Variants in NALF1 observed in about 807,000 individuals in gnomAD.
The protein encoded by NALF1 is NALCN channel auxiliary factor 1.
NALF1 carries 3 observed loss-of-function variants against 48.4 expected under a neutral mutation model. The observed-to-expected ratio is 0.06, with a 90% CI of 0.03 to 0.16. The LOEUF (loss-of-function observed/expected upper bound fraction) is 0.16. Ranked by LOEUF, NALF1 falls within the 10% of genes least tolerant of loss-of-function variation. The probability of loss-of-function intolerance (pLI) is 1.00; values close to 1 mark genes in which losing one functional copy is unlikely to be tolerated. For missense variants in NALF1, 526 were observed against 571.5 expected (o/e 0.92, Z 0.81); for synonymous variants, 262 against 245.7 (o/e 1.07, Z -0.62).
intron 1 of NALF1, among the ~76,000 whole-genome samples, chr13:107,492,120 G>A (rs191764166): frequency 4.9e-5 from 7 of 142,292 alleles, no homozygotes; most frequent in Non-Finnish European, 9.0e-5. Context: ...GCACAATCTC[G>A]GCTCACTGCA....
At chr13:107,281,257 G>T (rs1449761290) in intron 1 of NALF1, among the ~76,000 whole-genome samples, 2 of 152,186 alleles carry the variant, frequency 1.3e-5, no homozygotes, top group Non-Finnish European at 2.9e-5. Context: ...CTGGTACATG[G>T]TTGACGATGA....
intron 1 of NALF1, among the ~76,000 whole-genome samples, chr13:107,550,345 A>C (rs1260250484): frequency 6.6e-6 from 1 of 152,154 alleles, no homozygotes; most frequent in Non-Finnish European, 1.5e-5. Flanking sequence ...TGTTTCACTC[A>C]TTATGAATTC....
chr13:107,204,739 C>T (rs542086075), intron 2 of NALF1, among the ~76,000 whole-genome samples: 65 of 152,210 alleles, frequency 4.3e-4, no homozygotes, highest in African/African-American at 1.5e-3. Flanking sequence ...TCTGGGCATA[C>T]CATCTCCCTT....
intron 1 of NALF1, among the ~76,000 whole-genome samples, chr13:107,320,201 G>A (rs1203874077): frequency 6.6e-6 from 1 of 151,988 alleles, no homozygotes; most frequent in African/African-American, 2.4e-5. Flanking sequence ...ACATTGACTG[G>A]CAGTAAGAAA....
intron 1 of NALF1, among the ~76,000 whole-genome samples, chr13:107,698,634 T>C (rs921086266): frequency 1.3e-5 from 2 of 152,288 alleles, no homozygotes; most frequent in African/African-American, 4.8e-5. Flanking sequence ...CATTTTTGAA[T>C]ATAAAATATC....
chr13:107,731,434 T>C (rs1436518545), intron 1 of NALF1, among the ~76,000 whole-genome samples: 2 of 152,156 alleles, frequency 1.3e-5, no homozygotes, highest in Non-Finnish European at 2.9e-5. Context: ...GGAGTACATG[T>C]GCAGGTTTGT....
chr13:107,710,779 GTGTATATACACATATA>G (rs1264616034), intron 1 of NALF1, among the ~76,000 whole-genome samples: 1 of 45,442 alleles, frequency 2.2e-5, no homozygotes, highest in Non-Finnish European at 5.4e-5. Context: ...ACACATATGT[GTGTATATACACATATA>G]TGTATATATA....
At chr13:107,865,562 C>A in intron 1 of NALF1, 120 bp downstream of exon 1, 2 of 1,351,630 alleles carry the variant, frequency 1.5e-6, no homozygotes. Flanking sequence ...TTAATAACCG[C>A]AGAAAACACA....
chr13:107,738,595 A>G (rs1314406710), intron 1 of NALF1, among the ~76,000 whole-genome samples: 1 of 152,218 alleles, frequency 6.6e-6, no homozygotes, highest in East Asian at 1.9e-4. Context: ...TTCCCCCTTC[A>G]TTCTTAGAAT....
intron 1 of NALF1, among the ~76,000 whole-genome samples, chr13:107,841,345 T>C (rs1286829702): frequency 6.6e-6 from 1 of 152,122 alleles, no homozygotes; most frequent in African/African-American, 2.4e-5. Flanking sequence ...GCCTTCAAGG[T>C]ACCATCCTAA....
intron 1 of NALF1, among the ~76,000 whole-genome samples, chr13:107,381,060 A>G (rs1883429648): frequency 6.7e-6 from 1 of 149,586 alleles, no homozygotes; most frequent in South Asian, 2.1e-4. Context: ...TAAAAAGTAA[A>G]TATTCATATA....
intron 1 of NALF1, among the ~76,000 whole-genome samples, chr13:107,491,055 C>T (rs562582009): frequency 3.3e-5 from 5 of 152,262 alleles, no homozygotes; most frequent in Admixed American, 3.3e-4. Context: ...GTCTAACAAG[C>T]CTGTGGATTA....
intron 1 of NALF1, among the ~76,000 whole-genome samples, chr13:107,266,569 G>T (rs148454015): frequency 1.3e-5 from 2 of 151,932 alleles, no homozygotes; most frequent in South Asian, 4.2e-4. Context: ...CTATAACTAC[G>T]TGTGTGTATG....
At chr13:107,328,482 A>G (rs1378739532) in intron 1 of NALF1, among the ~76,000 whole-genome samples, 4 of 152,190 alleles carry the variant, frequency 2.6e-5, no homozygotes, top group Non-Finnish European at 5.9e-5. Context: ...TCCAAAGTGC[A>G]ACTAGTATGA....
At chr13:107,365,479 C>A (rs967916123) in intron 1 of NALF1, among the ~76,000 whole-genome samples, 1 of 152,072 alleles carries the variant, frequency 6.6e-6, no homozygotes. Flanking sequence ...GGCTTTCTCT[C>A]TAAACTTTCC....
Position 107,446,405 on chromosome 13 carries a change from TCACACA to T in NALF1, c.916-235656_916-235651del, listed in dbSNP as rs34962012. 6.3e-4 allele frequency among the ~76,000 whole-genome samples: 92 copies of T among 146,088 alleles called. 1 individual carries two copies. In the East Asian group the frequency reaches 0.013, roughly 21 times the overall value. On this transcript the variant is annotated intron_variant, in intron 1 of 2. Coordinates refer to ENST00000375915, the MANE Select transcript of NALF1 (RefSeq NM_001080396.3). ...ACTAGTAACAATGCCATAATTAAATTCACACACACACACACACACACACACACACAT... is the reference window on the plus strand; with the variant it reads ...ACTAGTAACAATGCCATAATTAAATTCACACACACACACACACACACACAT...
chr13:107,176,581 G>A (rs1405325306), intron 2 of NALF1, among the ~76,000 whole-genome samples: 1 of 151,952 alleles, frequency 6.6e-6, no homozygotes, highest in Non-Finnish European at 1.5e-5. Flanking sequence ...GGCGGAGCTT[G>A]CAGTGAGCCG....
chr13:107,622,040 T>C (rs1468824300), intron 1 of NALF1, among the ~76,000 whole-genome samples: 1 of 151,866 alleles, frequency 6.6e-6, no homozygotes, highest in Non-Finnish European at 1.5e-5. Flanking sequence ...TCAAGCAAGC[T>C]GGAGTACAGT....
intron 1 of NALF1, among the ~76,000 whole-genome samples, chr13:107,789,891 T>C (rs1036489821): frequency 1.4e-4 from 22 of 152,210 alleles, no homozygotes; most frequent in African/African-American, 4.1e-4. Context: ...GTTACGTATA[T>C]AGGCAAATAA....
Sources: allele counts gnomAD v4.1 joint callset (sites outside exome capture counted in the v4.1 genomes callset), GRCh38; gene constraint gnomAD v4.1.1; transcripts MANE v1.5; gene names NCBI Gene and HGNC (gene_info 2026-07-23, HGNC 2026-07-21).